Variants in ROBO2 observed in about 807,000 individuals in gnomAD.
ROBO2 encodes roundabout guidance receptor 2, also known as roundabout homolog 2.
Under a neutral mutation model 160.8 loss-of-function variants are expected in ROBO2, and 53 were observed. The observed-to-expected ratio is 0.33, with a 90% CI of 0.26 to 0.41. The LOEUF is 0.41. ROBO2 is among the 10% of genes least tolerant of loss of function. The pLI is 1.00. For missense variants in ROBO2, 1,577 were observed against 1,722.4 expected (o/e 0.92, Z 1.49); for synonymous variants, 664 against 611.7 (o/e 1.09, Z -1.26).
intron 2 of ROBO2, among the ~76,000 whole-genome samples, chr3:77,289,854 A>G (rs536111960): frequency 6.6e-6 from 1 of 151,826 alleles, no homozygotes; most frequent in Non-Finnish European, 1.5e-5. Flanking sequence ...CTAGGTCACC[A>G]AAGACATAAA....
Position 76,074,327 on chromosome 3 carries a change from A to G in ROBO2, c.109+136725A>G, listed in dbSNP as rs141492264. Among the ~76,000 whole-genome samples, 22 of 152,334 alleles carry G rather than the reference A, an allele frequency of 1.4e-4. No homozygotes were observed. In the East Asian group the frequency reaches 1.5e-3, roughly 11 times the overall value. On this transcript the variant is annotated intron_variant, in intron 2 of 26. Coordinates refer to the ROBO2 transcript ENST00000487694. ...GTCTCAACATTTCAACTCTGCTTCAATGAGAAAGGAAATAAGCCAAGGAAA... is the reference window on the plus strand; with the variant it reads ...GTCTCAACATTTCAACTCTGCTTCAGTGAGAAAGGAAATAAGCCAAGGAAA...
chr3:75,932,917 T>C (rs1947606751), intron 1 of ROBO2, among the ~76,000 whole-genome samples: 1 of 152,164 alleles, frequency 6.6e-6, no homozygotes. Context: ...AAATAAATAA[T>C]TTTAAATACA....
intron 2 of ROBO2, among the ~76,000 whole-genome samples, chr3:76,328,875 C>CAA (rs2073247059): frequency 1.7e-5 from 1 of 60,510 alleles, no homozygotes; most frequent in East Asian, 2.9e-4. Context: ...AACAAACAAA[C>CAA]AAAAACAAAT....
At chr3:77,226,545 C>G (rs2086522387) in intron 2 of ROBO2, among the ~76,000 whole-genome samples, 1 of 152,144 alleles carries the variant, frequency 6.6e-6, no homozygotes, top group South Asian at 2.1e-4. Flanking sequence ...ATCTTGAACA[C>G]CTACTATTTT....
intron 2 of ROBO2, among the ~76,000 whole-genome samples, chr3:75,950,365 G>C (rs17785720): frequency 5.9e-5 from 9 of 151,804 alleles, no homozygotes; most frequent in Non-Finnish European, 1.0e-4. Context: ...CCTTTGTTAA[G>C]GAACTGAAGG....
chr3:77,597,783 C>T (rs1299200511), intron 19 of ROBO2, among the ~76,000 whole-genome samples: 1 of 152,082 alleles, frequency 6.6e-6, no homozygotes, highest in Non-Finnish European at 1.5e-5. Context: ...CATTGACCTA[C>T]TTGAGAAATG....
chr3:76,731,231 C>A (rs2093633253), intron 2 of ROBO2, among the ~76,000 whole-genome samples: 1 of 152,114 alleles, frequency 6.6e-6, no homozygotes, highest in African/African-American at 2.4e-5. Context: ...ATTTGGATTT[C>A]TCCATTTTAA....
intron 2 of ROBO2, among the ~76,000 whole-genome samples, chr3:76,459,273 A>G (rs949683112): frequency 6.6e-6 from 1 of 152,204 alleles, no homozygotes; most frequent in Non-Finnish European, 1.5e-5. Context: ...TCCTAGTGAT[A>G]TATATACATA....
At chr3:77,438,861 C>A (rs1450993170) in intron 2 of ROBO2, among the ~76,000 whole-genome samples, 2 of 151,874 alleles carry the variant, frequency 1.3e-5, no homozygotes, top group African/African-American at 4.8e-5. Context: ...AAATAACTAT[C>A]ATATAATACT....
At chr3:77,632,701 TC>T in intron 23 of ROBO2, 1 of 1,484,654 alleles carries the variant, frequency 6.7e-7, no homozygotes, top group Non-Finnish European at 9.0e-7. Context: ...GAGAATCTTG[TC>T]CTTGGACACT....
chr3:77,039,581 T>C (rs1007770545), upstream of ROBO2, among the ~76,000 whole-genome samples: 2 of 151,092 alleles, frequency 1.3e-5, no homozygotes, highest in African/African-American at 4.9e-5. Context: ...GGGGAAGGAG[T>C]CGCCCGGTGG....
intron 16 of ROBO2, among the ~76,000 whole-genome samples, chr3:77,581,331 C>G (rs2093913639): frequency 6.6e-6 from 1 of 152,050 alleles, no homozygotes; most frequent in Non-Finnish European, 1.5e-5. Flanking sequence ...TAATGAAGTA[C>G]AATTTATCAT....
intron 2 of ROBO2, among the ~76,000 whole-genome samples, chr3:76,291,221 T>A (rs929147461): frequency 1.4e-4 from 22 of 152,072 alleles, no homozygotes; most frequent in Admixed American, 1.4e-3. Context: ...AACTTTGGAA[T>A]TTGTTATTGA....
intron 1 of ROBO2, among the ~76,000 whole-genome samples, chr3:77,088,232 C>G (rs1231304918): frequency 6.6e-5 from 10 of 152,132 alleles, no homozygotes; most frequent in Admixed American, 6.6e-4. Flanking sequence ...ACCTGAGATA[C>G]AATTGTGAAA....
intron 2 of ROBO2, among the ~76,000 whole-genome samples, chr3:76,259,718 G>A (rs1257489196): frequency 6.6e-6 from 1 of 152,100 alleles, no homozygotes; most frequent in African/African-American, 2.4e-5. Context: ...CTAAGCTTTG[G>A]GCTCCTTAGC....
intron 1 of ROBO2, among the ~76,000 whole-genome samples, chr3:75,913,081 G>A (rs554597210): frequency 1.3e-5 from 2 of 152,272 alleles, no homozygotes; most frequent in Admixed American, 6.5e-5. Flanking sequence ...GTGCTGAGGG[G>A]AGAATCCATT....
intron 2 of ROBO2, among the ~76,000 whole-genome samples, chr3:76,433,796 G>A (rs976776921): frequency 5.3e-5 from 8 of 152,270 alleles, no homozygotes; most frequent in Non-Finnish European, 1.0e-4. Context: ...CATCGATTGA[G>A]TTGAACCATT....
intron 6 of ROBO2, among the ~76,000 whole-genome samples, chr3:77,525,833 G>A (rs1392587737): frequency 2.3e-5 from 3 of 130,510 alleles, no homozygotes; most frequent in Non-Finnish European, 1.7e-5. Context: ...ACGCCTTTTT[G>A]TTTCTGAAGG....
chr3:76,413,399 C>T (rs929279072), intron 2 of ROBO2, among the ~76,000 whole-genome samples: 2 of 152,168 alleles, frequency 1.3e-5, no homozygotes, highest in African/African-American at 2.4e-5. Context: ...TCTTTTCTAT[C>T]GCATAGTCAG....
Sources: allele counts gnomAD v4.1 joint callset (sites outside exome capture counted in the v4.1 genomes callset), GRCh38; gene constraint gnomAD v4.1.1; transcripts MANE v1.5; gene names NCBI Gene and HGNC (gene_info 2026-07-23, HGNC 2026-07-21).